The following RORA variants were observed in gnomAD, a reference collection of about 807,000 sequenced individuals.
RORA encodes nuclear receptor ROR-alpha.
RORA carries 7 observed loss-of-function variants against 69.5 expected under a neutral mutation model. That is an observed-to-expected ratio of 0.10 (90% CI 0.06 to 0.19). The LOEUF (loss-of-function observed/expected upper bound fraction) is 0.19, where lower values mean the gene tolerates loss of function less well. Among genes scored for constraint, RORA ranks in the 10% least tolerant of loss-of-function variants. RORA has a pLI of 1.00. For synonymous variants in RORA, 261 were observed against 240.8 expected (o/e 1.08, Z -0.78); for missense variants, 457 against 663.0 (o/e 0.69, Z 3.41).
intron 1 of RORA, among the ~76,000 whole-genome samples, chr15:60,803,371 C>A (rs2072614759): frequency 6.6e-6 from 1 of 152,214 alleles, no homozygotes. Flanking sequence ...AGAGCTGGGG[C>A]TTAACAGTTC....
chr15:60,781,625 C>T (rs951182220), intron 1 of RORA, among the ~76,000 whole-genome samples: 1 of 148,114 alleles, frequency 6.8e-6, no homozygotes. Flanking sequence ...TGCAAGCTCC[C>T]TTAACTTGGC....
intron 10 of RORA, among the ~76,000 whole-genome samples, chr15:60,498,597 C>T (rs1203719924): frequency 6.6e-6 from 1 of 152,096 alleles, no homozygotes. Flanking sequence ...AGGCAAACTG[C>T]TTATTATTTT....
rs1306295261 is a variant in RORA at position 60,864,126 on chromosome 15, T to TTGTA, written c.167-185444_167-185441dup. On this transcript the variant is annotated intron_variant, in intron 1 of 10. Coordinates refer to ENST00000335670, the MANE Select transcript of RORA (RefSeq NM_134261.3). ...AGCCCTCAGAATCATTTTTTATATTTTGTAGGAGGAGGCGGACAACTGGGG... is the reference window on the plus strand; with the variant it reads ...AGCCCTCAGAATCATTTTTTATATTTTGTATGTAGGAGGAGGCGGACAACTGGGG... Among the ~76,000 whole-genome samples the TTGTA allele has an allele frequency of 2.3e-4, 35 of 152,252 alleles. No homozygotes were observed. In the East Asian group the frequency reaches 4.6e-3, roughly 20 times the overall value.
At chr15:60,771,139 A>G (rs932764788) in intron 1 of RORA, among the ~76,000 whole-genome samples, 1 of 152,078 alleles carries the variant, frequency 6.6e-6, no homozygotes, top group Non-Finnish European at 1.5e-5. Flanking sequence ...GGTCCCCCAT[A>G]GACTGACTCT....
chr15:61,036,697 C>T lies in RORA; in HGVS notation c.166+192356G>A, dbSNP rs372437606. Among the ~76,000 whole-genome samples the T allele has an allele frequency of 2.8e-4, 42 of 147,626 alleles. 1 individual carries two copies. In the South Asian group the frequency reaches 6.5e-3, roughly 23 times the overall value. Reference sequence around the variant, plus strand: ...CAGGTCTTTCTAAAGTTAGGCAGTACAAAGAAACAAAAATCCAAAAGACTT... The same window carrying T: ...CAGGTCTTTCTAAAGTTAGGCAGTATAAAGAAACAAAAATCCAAAAGACTT... On this transcript the variant is annotated intron_variant, in intron 1 of 10. Transcript: ENST00000335670.
intron 1 of RORA, among the ~76,000 whole-genome samples, chr15:60,991,345 A>T (rs1894370477): frequency 6.6e-6 from 1 of 152,210 alleles, no homozygotes; most frequent in South Asian, 2.1e-4. Flanking sequence ...TGGAAACTAC[A>T]GACTGGGTAA....
intron 1 of RORA, among the ~76,000 whole-genome samples, chr15:60,895,673 G>C (rs1210799684): frequency 6.6e-6 from 1 of 152,162 alleles, no homozygotes; most frequent in Non-Finnish European, 1.5e-5. Context: ...TCATGGCAAA[G>C]TCAGTGGCTG....
At chr15:60,643,675 C>T (rs539451083) in intron 2 of RORA, among the ~76,000 whole-genome samples, 11 of 152,300 alleles carry the variant, frequency 7.2e-5, no homozygotes, top group Admixed American at 6.5e-4. Flanking sequence ...TAGCCTGACC[C>T]CTCTTTTCTC....
intron 1 of RORA, among the ~76,000 whole-genome samples, chr15:60,732,434 C>T (rs2071441243): frequency 6.6e-6 from 1 of 152,142 alleles, no homozygotes; most frequent in South Asian, 2.1e-4. Context: ...CAGCAAACAG[C>T]CAGTTCCCTG....
chr15:60,753,780 T>C (rs1307066246), intron 1 of RORA, among the ~76,000 whole-genome samples: 1 of 152,218 alleles, frequency 6.6e-6, no homozygotes, highest in East Asian at 1.9e-4. Flanking sequence ...CACAAGCTGT[T>C]CATATACTAG....
At chr15:60,542,780 TG>T (rs1355006573) in intron 2 of RORA, among the ~76,000 whole-genome samples, 1 of 151,550 alleles carries the variant, frequency 6.6e-6, no homozygotes, top group African/African-American at 2.4e-5. Flanking sequence ...TCTATTCAGC[TG>T]CAAGTCCTGC....
intron 1 of RORA, among the ~76,000 whole-genome samples, chr15:60,774,317 C>T (rs11639084): frequency 0.2 from 30,468 of 152,118 alleles, 3,583 homozygotes; most frequent in African/African-American, 0.33. Context: ...AAATCTGTGG[C>T]GCCATTCTGT....
intron 1 of RORA, chr15:61,176,487 CATGTTTCAGAG>C (rs11275917): frequency 0.29 from 44,705 of 151,900 alleles, 6,931 homozygotes; most frequent in African/African-American, 0.41. Flanking sequence ...TTTTTACTTT[CATGTTTCAGAG>C]ATGGGATCTT....
chr15:60,513,229 C>T (rs2065760933), intron 4 of RORA, among the ~76,000 whole-genome samples: 1 of 152,196 alleles, frequency 6.6e-6, no homozygotes, highest in South Asian at 2.1e-4. Flanking sequence ...AGGCAGCAAC[C>T]AGGCTGATGT....
intron 1 of RORA, among the ~76,000 whole-genome samples, chr15:60,838,656 C>G (rs144017875): frequency 6.6e-6 from 1 of 152,314 alleles, no homozygotes; most frequent in African/African-American, 2.4e-5. Flanking sequence ...TTGTAGGTAT[C>G]AAAAAGTGTG....
intron 2 of RORA, among the ~76,000 whole-genome samples, chr15:60,543,193 T>A (rs2066954754): frequency 4.6e-5 from 1 of 21,544 alleles, no homozygotes; most frequent in African/African-American, 6.9e-5. Context: ...TTTTTTTTTT[T>A]TTTTTTTTTT....
chr15:61,086,900 CG>C (rs1410017821), intron 1 of RORA, among the ~76,000 whole-genome samples: 2 of 152,258 alleles, frequency 1.3e-5, no homozygotes, highest in East Asian at 3.9e-4. Flanking sequence ...GGGCAGGGTG[CG>C]GTGGTTCACG....
At chr15:61,153,588 T>C (rs977484620) in intron 1 of RORA, among the ~76,000 whole-genome samples, 1 of 152,158 alleles carries the variant, frequency 6.6e-6, no homozygotes, top group African/African-American at 2.4e-5. Flanking sequence ...CAAACTCCAG[T>C]TACTAATTAC....
In RORA at chr15:60,992,026, CT is replaced by C. The variant is rs377602495; in HGVS notation, c.166+237026del. Among the ~76,000 whole-genome samples the C allele has an allele frequency of 4.3e-3, 649 of 152,054 alleles. 8 individuals are homozygous for C. Among genetic ancestry groups the C allele is most frequent in the African/African-American group, 0.015 (621 of 41,476 alleles). On this transcript the variant is annotated intron_variant, in intron 1 of 10. Coordinates refer to ENST00000335670, the MANE Select transcript of RORA (RefSeq NM_134261.3). ...GGTAAATGAATAAATAAAATCAAGT[CT>C]TTGGATTTAAGGAGAAGCAGATGTG...
Sources: allele counts gnomAD v4.1 joint callset (sites outside exome capture counted in the v4.1 genomes callset), GRCh38; gene constraint gnomAD v4.1.1; transcripts MANE v1.5; gene names NCBI Gene and HGNC (gene_info 2026-07-23, HGNC 2026-07-21).